The following INPP4B variants were observed in gnomAD, a reference collection of about 807,000 sequenced individuals.
INPP4B encodes the protein inositol polyphosphate 4-phosphatase type II.
In INPP4B, 55 loss-of-function variants were observed where a neutral mutation model predicts 122.5. That is an observed-to-expected ratio of 0.45 (90% CI 0.36 to 0.56). The LOEUF is 0.56. Ranked by LOEUF, INPP4B falls within the 20% of genes least tolerant of loss-of-function variation. The probability of loss-of-function intolerance (pLI) is 0.00; values close to 1 mark genes in which losing one functional copy is unlikely to be tolerated. For missense variants in INPP4B, 1,000 were observed against 1,097.7 expected, an observed-to-expected ratio of 0.91 and a Z score of 1.26; for synonymous variants, 403 against 388.7, an observed-to-expected ratio of 1.04 and a Z score of -0.43.
intron 2 of INPP4B, among the ~76,000 whole-genome samples, chr4:142,543,251 T>C (rs1410788102): frequency 6.6e-6 from 1 of 152,164 alleles, no homozygotes; most frequent in Non-Finnish European, 1.5e-5. Context: ...AAATAAATGC[T>C]GTTTCCAATT....
chr4:142,030,486 A>C (rs911641459), intron 25 of INPP4B, among the ~76,000 whole-genome samples: 1 of 152,188 alleles, frequency 6.6e-6, no homozygotes, highest in Admixed American at 6.6e-5. Flanking sequence ...ATTGTACTAC[A>C]TGGGCAAAGG....
At chr4:142,549,359 G>A (rs1270391655) in intron 2 of INPP4B, among the ~76,000 whole-genome samples, 5 of 152,018 alleles carry the variant, frequency 3.3e-5, no homozygotes, top group African/African-American at 1.2e-4. Context: ...ACCATCAGAC[G>A]GTAATGACTA....
chr4:142,079,665 C>T (rs1772816661), intron 25 of INPP4B, among the ~76,000 whole-genome samples: 1 of 151,988 alleles, frequency 6.6e-6, no homozygotes, highest in Admixed American at 6.6e-5. Context: ...TATGCATTAG[C>T]ATCAAAAATG....
At chr4:142,744,303 A>G (rs1254681988) in intron 1 of INPP4B, among the ~76,000 whole-genome samples, 1 of 151,920 alleles carries the variant, frequency 6.6e-6, no homozygotes, top group African/African-American at 2.4e-5. Context: ...TTTAATGAAC[A>G]GAAATGGGGG....
intron 2 of INPP4B, among the ~76,000 whole-genome samples, chr4:142,579,879 GT>G (rs1734668274): frequency 2.1e-5 from 3 of 142,484 alleles, no homozygotes; most frequent in African/African-American, 7.8e-5. Flanking sequence ...AGATAGGTAG[GT>G]AGATAGATAG....
chr4:142,722,602 A>G (rs1371807002), intron 2 of INPP4B, among the ~76,000 whole-genome samples: 1 of 152,210 alleles, frequency 6.6e-6, no homozygotes, highest in African/African-American at 2.4e-5. Flanking sequence ...AAAAACTACC[A>G]TAACAGCTTC....
chr4:142,332,806 C>G (rs1775060875), intron 7 of INPP4B, among the ~76,000 whole-genome samples: 1 of 150,070 alleles, frequency 6.7e-6, no homozygotes, highest in African/African-American at 2.5e-5. Context: ...AGATCGAGAC[C>G]AACCTGGCTA....
intron 11 of INPP4B, among the ~76,000 whole-genome samples, chr4:142,241,250 GC>G (rs751951897): frequency 6.6e-6 from 1 of 151,484 alleles, no homozygotes; most frequent in Non-Finnish European, 1.5e-5. Context: ...TACTGCTTTT[GC>G]CATACAATTG....
chr4:142,282,737 A>G (rs1751777489), intron 9 of INPP4B, among the ~76,000 whole-genome samples: 1 of 152,084 alleles, frequency 6.6e-6, no homozygotes, highest in African/African-American at 2.4e-5. Context: ...TTCCATCTCC[A>G]GTCTGCTAAG....
intron 2 of INPP4B, among the ~76,000 whole-genome samples, chr4:142,614,310 C>T (rs1415912735): frequency 6.6e-6 from 1 of 151,978 alleles, no homozygotes; most frequent in African/African-American, 2.4e-5. Context: ...ACACACTGTT[C>T]AATAAATGAT....
chr4:142,243,223 T>A (rs553040646), intron 11 of INPP4B, among the ~76,000 whole-genome samples: 1 of 152,224 alleles, frequency 6.6e-6, no homozygotes, highest in Non-Finnish European at 1.5e-5. Flanking sequence ...GTTTTGCCTA[T>A]ATTGTTTTTC....
At chr4:142,207,100 G>A (rs1842891023) in intron 14 of INPP4B, among the ~76,000 whole-genome samples, 1 of 152,094 alleles carries the variant, frequency 6.6e-6, no homozygotes, top group African/African-American at 2.4e-5. Context: ...ATATCCTCCA[G>A]GTTCATCCAT....
chr4:142,207,949 C>G (rs3102445), intron 14 of INPP4B, among the ~76,000 whole-genome samples: 1 of 151,748 alleles, frequency 6.6e-6, no homozygotes, highest in African/African-American at 2.4e-5. Context: ...CATTTAAATA[C>G]TCTACCACCT....
chr4:142,548,137 A>G (rs1182064677), intron 2 of INPP4B, among the ~76,000 whole-genome samples: 1 of 152,188 alleles, frequency 6.6e-6, no homozygotes, highest in Non-Finnish European at 1.5e-5. Context: ...CAATCTCTCC[A>G]ACTTCTGTAC....
chr4:142,809,533 G>A (rs916673835), intron 1 of INPP4B, among the ~76,000 whole-genome samples: 1 of 152,118 alleles, frequency 6.6e-6, no homozygotes, highest in Non-Finnish European at 1.5e-5. Context: ...GTACCACATG[G>A]CACCCATTTG....
chr4:142,202,695 A>G, intron 14 of INPP4B: 1 of 968,188 alleles, frequency 1.0e-6, no homozygotes, highest in Non-Finnish European at 1.2e-6. Flanking sequence ...TTTATGATAT[A>G]AACTCATTTT....
chr4:142,409,140 G>A (rs962569185), intron 5 of INPP4B, among the ~76,000 whole-genome samples: 1 of 152,286 alleles, frequency 6.6e-6, no homozygotes, highest in East Asian at 1.9e-4. Flanking sequence ...ATTTGTACAG[G>A]AGCCAGGCAG....
chr4:142,386,823 T>C (rs1796114426), intron 7 of INPP4B, among the ~76,000 whole-genome samples: 1 of 152,204 alleles, frequency 6.6e-6, no homozygotes, highest in African/African-American at 2.4e-5. Context: ...GCTTAAGTTT[T>C]TCTTTTAATA....
intron 2 of INPP4B, among the ~76,000 whole-genome samples, chr4:142,519,361 C>T (rs905460849): frequency 3.3e-5 from 5 of 152,108 alleles, no homozygotes; most frequent in African/African-American, 4.8e-5. Context: ...ATTTGTAGCA[C>T]AATACATCAT....
Sources: allele counts gnomAD v4.1 joint callset (sites outside exome capture counted in the v4.1 genomes callset), GRCh38; gene constraint gnomAD v4.1.1; transcripts MANE v1.5; gene names NCBI Gene and HGNC (gene_info 2026-07-23, HGNC 2026-07-21).